CAMK2D: variants seen among roughly 807,000 people sequenced by gnomAD.
CAMK2D encodes the protein calcium/calmodulin-dependent protein kinase type II subunit delta.
CAMK2D carries 37 observed loss-of-function variants against 84.0 expected under a neutral mutation model. The observed-to-expected ratio is 0.44, with a 90% CI of 0.34 to 0.58. The LOEUF is 0.58. CAMK2D is among the 20% of genes least tolerant of loss of function. CAMK2D has a pLI of 0.02. For missense variants in CAMK2D, 448 were observed against 652.5 expected (o/e 0.69, Z 3.41); for synonymous variants, 202 against 212.5 (o/e 0.95, Z 0.43).
intron 3 of CAMK2D, among the ~76,000 whole-genome samples, chr4:113,642,395 T>A (rs757168645): frequency 1.2e-4 from 18 of 152,306 alleles, no homozygotes; most frequent in Non-Finnish European, 2.4e-4. Flanking sequence ...GTAGGAGGAT[T>A]CCAGAACTAC....
intron 4 of CAMK2D, among the ~76,000 whole-genome samples, chr4:113,571,346 C>T (rs1162307376): frequency 1.3e-5 from 2 of 152,304 alleles, no homozygotes; most frequent in African/African-American, 2.4e-5. Context: ...CACTCCCATA[C>T]TCACTGCAGC....
At chr4:113,678,375 C>A (rs1486422988) in intron 2 of CAMK2D, among the ~76,000 whole-genome samples, 2 of 152,078 alleles carry the variant, frequency 1.3e-5, no homozygotes, top group Admixed American at 1.3e-4. Context: ...GACTTCAAAG[C>A]CTTTTAGGCA....
chr4:113,489,038 A>G (rs1034582709), intron 16 of CAMK2D, among the ~76,000 whole-genome samples: 2 of 152,238 alleles, frequency 1.3e-5, no homozygotes, highest in African/African-American at 4.8e-5. Flanking sequence ...ACTGTGTTAC[A>G]TTAGTGGTGG....
At chr4:113,541,201 T>C (rs2098527816) in intron 6 of CAMK2D, among the ~76,000 whole-genome samples, 1 of 152,190 alleles carries the variant, frequency 6.6e-6, no homozygotes, top group African/African-American at 2.4e-5. Flanking sequence ...AACTCAAACC[T>C]TTCCGTTTCT....
chr4:113,532,057 A>C (rs1490218077), intron 7 of CAMK2D, among the ~76,000 whole-genome samples: 1 of 152,202 alleles, frequency 6.6e-6, no homozygotes, highest in Non-Finnish European at 1.5e-5. Context: ...TTAAAAGTAT[A>C]TATAATGGAA....
intron 16 of CAMK2D, among the ~76,000 whole-genome samples, chr4:113,486,750 C>G (rs949190374): frequency 1.3e-5 from 2 of 152,126 alleles, no homozygotes; most frequent in African/African-American, 4.8e-5. Flanking sequence ...AGGAAAGCTG[C>G]CTTGTTGAGT....
intron 4 of CAMK2D, among the ~76,000 whole-genome samples, chr4:113,594,452 A>C (rs2098914330): frequency 6.6e-6 from 1 of 152,232 alleles, no homozygotes; most frequent in Non-Finnish European, 1.5e-5. Flanking sequence ...TATGACAAAT[A>C]TGTGGGAATG....
chr4:113,629,039 AT>A (rs1467022832), intron 3 of CAMK2D, among the ~76,000 whole-genome samples: 3 of 150,990 alleles, frequency 2.0e-5, no homozygotes, highest in African/African-American at 4.8e-5. Flanking sequence ...GCAGTAAAAT[AT>A]ATATATATAT....
intron 3 of CAMK2D, among the ~76,000 whole-genome samples, chr4:113,650,517 C>CA (rs34938947): frequency 0.18 from 15,418 of 86,626 alleles, 1,216 homozygotes; most frequent in East Asian, 0.32. Flanking sequence ...AACTCCATCT[C>CA]AAAAAAAAAA....
intron 16 of CAMK2D, among the ~76,000 whole-genome samples, chr4:113,475,094 A>T (rs2097591032): frequency 6.6e-6 from 1 of 152,232 alleles, no homozygotes; most frequent in South Asian, 2.1e-4. Context: ...TGTTTAGCTT[A>T]CAATTAATTT....
intron 2 of CAMK2D, among the ~76,000 whole-genome samples, chr4:113,705,088 T>C (rs902990780): frequency 2.0e-5 from 3 of 150,056 alleles, no homozygotes; most frequent in Non-Finnish European, 4.4e-5. Context: ...ACGCCTGTAA[T>C]CCCAGCACTT....
chr4:113,588,572 ATTAC>A (rs1380731529), intron 4 of CAMK2D, among the ~76,000 whole-genome samples: 1 of 152,236 alleles, frequency 6.6e-6, no homozygotes, highest in Non-Finnish European at 1.5e-5. Context: ...CTAATTAACT[ATTAC>A]TTAGGCAATA....
chr4:113,478,670 T>C (rs1260887130), intron 16 of CAMK2D, among the ~76,000 whole-genome samples: 2 of 152,192 alleles, frequency 1.3e-5, no homozygotes, highest in Non-Finnish European at 1.5e-5. Flanking sequence ...TGTTTAGTAA[T>C]ATGTTTACAT....
At chr4:113,681,228 C>T (rs2099344884) in intron 2 of CAMK2D, among the ~76,000 whole-genome samples, 1 of 152,150 alleles carries the variant, frequency 6.6e-6, no homozygotes, top group Admixed American at 6.5e-5. Context: ...ACTCAAATCT[C>T]ATCTTGAATT....
At chr4:113,489,838 CT>C (rs2097806782) in intron 16 of CAMK2D, among the ~76,000 whole-genome samples, 2 of 127,538 alleles carry the variant, frequency 1.6e-5, no homozygotes, top group African/African-American at 6.1e-5. Context: ...GCCATTCTAA[CT>C]GGTGTGAGAT....
chr4:113,555,721 C>A (rs1008277032), intron 4 of CAMK2D, among the ~76,000 whole-genome samples: 3 of 152,142 alleles, frequency 2.0e-5, no homozygotes, highest in African/African-American at 7.2e-5. Context: ...TGAACAATAA[C>A]AATAACAATA....
At chr4:113,492,242 A>C (rs1564601213) in intron 16 of CAMK2D, among the ~76,000 whole-genome samples, 1 of 151,654 alleles carries the variant, frequency 6.6e-6, no homozygotes, top group Non-Finnish European at 1.5e-5. Context: ...TTAGGGTGTC[A>C]ATTTTGGATC....
At chr4:113,746,531 G>A (rs1402296099) in intron 2 of CAMK2D, among the ~76,000 whole-genome samples, 1 of 152,010 alleles carries the variant, frequency 6.6e-6, no homozygotes, top group African/African-American at 2.4e-5. Flanking sequence ...GTCAATATAA[G>A]ACAGTATATA....
chr4:113,482,010 T>C (rs761963601), intron 16 of CAMK2D, among the ~76,000 whole-genome samples: 1 of 152,210 alleles, frequency 6.6e-6, no homozygotes, highest in African/African-American at 2.4e-5. Context: ...TTAAGTCAGA[T>C]GGCAAGGCAA....
Sources: gnomAD v4.1 joint callset for allele counts (sites outside exome capture counted in the v4.1 genomes callset) on GRCh38, gnomAD v4.1.1 for gene constraint, MANE v1.5 for transcripts, NCBI Gene and HGNC (gene_info 2026-07-23, HGNC 2026-07-21) for gene names.